Variants in CTNNA3 observed in about 807,000 individuals in gnomAD.
The protein encoded by CTNNA3 is catenin alpha-3.
CTNNA3 carries 76 observed loss-of-function variants against 95.7 expected under a neutral mutation model. The ratio of observed to expected loss-of-function variants is 0.79; its 90% CI spans 0.66 to 0.96. The LOEUF is 0.96. Among genes scored for constraint, CTNNA3 ranks in the 40% least tolerant of loss-of-function variants. The probability of loss-of-function intolerance (pLI) is 0.00; values close to 1 mark genes in which losing one functional copy is unlikely to be tolerated. For synonymous variants in CTNNA3, 431 were observed against 374.4 expected, an observed-to-expected ratio of 1.15 and a Z score of -1.74; for missense variants, 1,191 against 1,089.8, an observed-to-expected ratio of 1.09 and a Z score of -1.31.
intron 9 of CTNNA3, among the ~76,000 whole-genome samples, chr10:66,725,377 C>T (rs1206708636): frequency 6.6e-6 from 1 of 152,038 alleles, no homozygotes; most frequent in African/African-American, 2.4e-5. Context: ...ATTTACAAAC[C>T]ATCTCCTATA....
intron 5 of CTNNA3, among the ~76,000 whole-genome samples, chr10:67,396,774 G>T (rs180838047): frequency 7.5e-6 from 1 of 133,690 alleles, no homozygotes. Context: ...GGAGGGACAC[G>T]GTGGGAGGTA....
intron 7 of CTNNA3, among the ~76,000 whole-genome samples, chr10:67,105,474 CT>C (rs747963905): frequency 2.0e-5 from 3 of 152,040 alleles, no homozygotes; most frequent in Non-Finnish European, 4.4e-5. Flanking sequence ...TCACATACAC[CT>C]TGTCAAAACC....
At chr10:67,572,817 G>A (rs1023689491) in intron 3 of CTNNA3, among the ~76,000 whole-genome samples, 13 of 152,214 alleles carry the variant, frequency 8.5e-5, no homozygotes, top group Admixed American at 3.9e-4. Flanking sequence ...TTGGGCCCCA[G>A]TAGCTCATGC....
At chr10:66,615,638 A>T (rs1844483662) in intron 10 of CTNNA3, among the ~76,000 whole-genome samples, 2 of 152,142 alleles carry the variant, frequency 1.3e-5, no homozygotes, top group East Asian at 3.9e-4. Flanking sequence ...TCTGATAAAT[A>T]TAAAGTAGTA....
intron 5 of CTNNA3, among the ~76,000 whole-genome samples, chr10:67,466,698 G>A: frequency 6.6e-6 from 1 of 152,178 alleles, no homozygotes; most frequent in Non-Finnish European, 1.5e-5. Context: ...ATGTCAAGCG[G>A]TGTTTGAAAA....
intron 13 of CTNNA3, among the ~76,000 whole-genome samples, chr10:66,161,892 A>AT (rs1426576004): frequency 2.0e-5 from 3 of 151,904 alleles, no homozygotes; most frequent in African/African-American, 4.8e-5. Context: ...CTGTGTTCAT[A>AT]TTTTTTTATT....
At chr10:67,555,858 T>G (rs546575358) in intron 3 of CTNNA3, among the ~76,000 whole-genome samples, 185 of 152,292 alleles carry the variant, frequency 1.2e-3, no homozygotes, top group African/African-American at 2.5e-3. Context: ...TGCTTCCAGT[T>G]TTTGCCCATT....
At chr10:67,179,590 A>G (rs2132135010) in intron 7 of CTNNA3, among the ~76,000 whole-genome samples, 1 of 151,674 alleles carries the variant, frequency 6.6e-6, no homozygotes, top group African/African-American at 2.4e-5. Context: ...GCACTTTGGG[A>G]GGCCAAGGTG....
chr10:65,993,734 T>C (rs1277566928), intron 15 of CTNNA3, among the ~76,000 whole-genome samples: 1 of 152,046 alleles, frequency 6.6e-6, no homozygotes, highest in Non-Finnish European at 1.5e-5. Context: ...CAGCCAGTCT[T>C]TCTCTCTATA....
intron 10 of CTNNA3, among the ~76,000 whole-genome samples, chr10:66,572,298 G>A (rs547109270): frequency 8.6e-5 from 13 of 151,470 alleles, no homozygotes; most frequent in South Asian, 4.2e-4. Flanking sequence ...CAGGAGAATC[G>A]CTTAAACCCG....
intron 5 of CTNNA3, among the ~76,000 whole-genome samples, chr10:67,503,261 C>T (rs1051593499): frequency 2.6e-5 from 4 of 152,160 alleles, no homozygotes; most frequent in African/African-American, 9.7e-5. Flanking sequence ...TGAAGCAATG[C>T]CCCACCCTGC....
chr10:67,426,112 T>C (rs1845914384), intron 5 of CTNNA3, among the ~76,000 whole-genome samples: 1 of 151,944 alleles, frequency 6.6e-6, no homozygotes, highest in East Asian at 1.9e-4. Flanking sequence ...AATTCCCAAA[T>C]GGGTAGAAAA....
chr10:67,083,914 G>T (rs1857174357), intron 7 of CTNNA3, among the ~76,000 whole-genome samples: 1 of 152,036 alleles, frequency 6.6e-6, no homozygotes, highest in Non-Finnish European at 1.5e-5. Context: ...TAAAAATAAA[G>T]ATAAGAAAAA....
At chr10:65,950,662 AG>A (rs1473024043) in intron 17 of CTNNA3, among the ~76,000 whole-genome samples, 21 of 152,184 alleles carry the variant, frequency 1.4e-4, no homozygotes, top group Admixed American at 1.4e-3. Context: ...CTCTTTTCTA[AG>A]GATTGATAAC....
rs189767132 is a variant in CTNNA3, at chr10:67,310,582, G to T, written c.580-90712C>A. ...GAGACTGGGCAATTTATAAAGGAAA[G>T]AAATTAAATTGACTCACAGTTTCAC... is the stretch of plus-strand genomic sequence containing the variant. On this transcript the variant is annotated intron_variant, in intron 5 of 17. Coordinates refer to ENST00000433211, the MANE Select transcript of CTNNA3 (RefSeq NM_013266.4). Among the ~76,000 whole-genome samples the T allele has an allele frequency of 2.3e-4, 35 of 152,280 alleles. No individual in the cohort carries two copies. The East Asian group carries it at 5.8e-3, about 25-fold the overall frequency.
intron 14 of CTNNA3, among the ~76,000 whole-genome samples, chr10:66,094,001 G>GA (rs1346054029): frequency 1.3e-5 from 2 of 152,016 alleles, no homozygotes; most frequent in Non-Finnish European, 2.9e-5. Context: ...TTAGCAGGGA[G>GA]AAAAATCCAT....
chr10:67,596,482 C>T (rs572872562), intron 3 of CTNNA3, among the ~76,000 whole-genome samples: 5 of 152,256 alleles, frequency 3.3e-5, no homozygotes, highest in African/African-American at 1.2e-4. Context: ...TTAGCATTTG[C>T]TTTTCTAAAA....
intron 13 of CTNNA3, among the ~76,000 whole-genome samples, chr10:66,275,257 A>G (rs1255207352): frequency 6.6e-6 from 1 of 152,170 alleles, no homozygotes; most frequent in Non-Finnish European, 1.5e-5. Context: ...AACTGGGACT[A>G]CAGGCACGCA....
intron 10 of CTNNA3, among the ~76,000 whole-genome samples, chr10:66,611,778 C>A (rs1294072493): frequency 6.6e-6 from 1 of 152,158 alleles, no homozygotes; most frequent in Non-Finnish European, 1.5e-5. Flanking sequence ...TTTCCTCTTA[C>A]TTTGCTCATT....
Sources: allele counts gnomAD v4.1 joint callset (sites outside exome capture counted in the v4.1 genomes callset), GRCh38; gene constraint gnomAD v4.1.1; transcripts MANE v1.5; gene names NCBI Gene and HGNC (gene_info 2026-07-23, HGNC 2026-07-21).